Variants in MCTP1 observed in about 807,000 individuals in gnomAD.
MCTP1 encodes multiple C2 and transmembrane domain-containing protein 1.
Under a neutral mutation model 120.6 loss-of-function variants are expected in MCTP1, and 69 were observed. The observed-to-expected ratio is 0.57, with a 90% CI of 0.47 to 0.70. The LOEUF is 0.70. Ranked by LOEUF, MCTP1 falls within the 30% of genes least tolerant of loss-of-function variation. MCTP1 has a pLI of 0.00. For synonymous variants in MCTP1, 529 were observed against 493.1 expected (o/e 1.07, Z -0.96); for missense variants, 1,203 against 1,248.8 (o/e 0.96, Z 0.55).
chr5:95,236,505 C>T (rs1178759067), intron 1 of MCTP1, among the ~76,000 whole-genome samples: 1 of 152,116 alleles, frequency 6.6e-6, no homozygotes, highest in African/African-American at 2.4e-5. Flanking sequence ...CCTTACTTCC[C>T]GTGAGGACTG....
chr5:94,829,719 A>G (rs1023971744), intron 17 of MCTP1, among the ~76,000 whole-genome samples: 3 of 152,226 alleles, frequency 2.0e-5, no homozygotes, highest in African/African-American at 7.2e-5. Context: ...GAGAAAAGTA[A>G]GGTAGAGCAA....
chr5:94,920,553 T>C lies in MCTP1; in HGVS notation c.1273-2580A>G, dbSNP rs182482395. 4.0e-3 allele frequency among the ~76,000 whole-genome samples: 609 copies of C among 151,868 alleles called. 4 individuals are homozygous for C. The highest frequency in any genetic ancestry group is 0.014 in the African/African-American group (575 of 41,432). On this transcript the variant is annotated intron_variant, in intron 7 of 22. Coordinates refer to ENST00000515393, the MANE Select transcript of MCTP1 (RefSeq NM_024717.7). ...GTCAGGAGATCGAGACCATCCTGGC[T>C]AACACATGAAACCCCGTCTCTACTA... is the stretch of plus-strand genomic sequence containing the variant.
rs374089627 is a variant in MCTP1 at position 94,940,033 on chromosome 5, T to C, written c.1173+51A>G. 1.1e-4 allele frequency: 117 copies of C among 1,086,012 alleles called. 1 individual carries two copies. In the East Asian group the frequency reaches 2.6e-3, roughly 24 times the overall value. The allele number at this position is 1,086,012 out of a possible 1,614,324, so 67.3% of individuals were successfully genotyped here. On this transcript the variant is annotated intron_variant, in intron 5 of 22. Transcript: ENST00000515393. ...ATCATCTCTGGGTCCAGAGAAAGGCTCACAACTTTCAAACAAGAAAGAGCT... is the reference window on the plus strand; with the variant it reads ...ATCATCTCTGGGTCCAGAGAAAGGCCCACAACTTTCAAACAAGAAAGAGCT...
chr5:95,214,943 A>G (rs1303577597), intron 1 of MCTP1, among the ~76,000 whole-genome samples: 1 of 152,070 alleles, frequency 6.6e-6, no homozygotes, highest in Non-Finnish European at 1.5e-5. Context: ...GCAGCACACC[A>G]ACATGGCACA....
chr5:95,215,937 C>A (rs905994421), intron 1 of MCTP1, among the ~76,000 whole-genome samples: 3 of 152,046 alleles, frequency 2.0e-5, no homozygotes, highest in Non-Finnish European at 4.4e-5. Flanking sequence ...AATATACAAA[C>A]AAGAAAACCT....
At chr5:95,164,428 A>G (rs186102342) in intron 1 of MCTP1, among the ~76,000 whole-genome samples, 24 of 152,334 alleles carry the variant, frequency 1.6e-4, no homozygotes, top group Admixed American at 1.1e-3. Flanking sequence ...ACATTTGGTC[A>G]GAAACAAATC....
Position 94,953,281 on chromosome 5 carries a change from G to T in MCTP1, c.919C>A (p.Pro307Thr). 6 of 1,612,314 alleles carry T rather than the reference G, an allele frequency of 3.7e-6. No homozygotes were observed. Among genetic ancestry groups the T allele is most frequent in the Non-Finnish European group, 5.1e-6 (6 of 1,179,112 alleles). ...ATACAAGCTTTTTCTTCCCACACAG[G>T]GTTGAGGTTCTTGTGTATTATCTTA... ...RSKIIHKNLN[P>T]VWEEKACILV... is the part of the protein sequence containing the mutation. Residue 307 changes from proline (P) to threonine (T), a missense_variant, in exon 3 of 23, where the codon CCT (proline) becomes ACT (threonine). Around this residue, in one of 2 missense-constraint regions of MCTP1, gnomAD observed 740 missense variants for 871.1 expected, o/e 0.85. Transcript: ENST00000515393.
At chr5:95,268,831 C>A (rs968123618) in intron 1 of MCTP1, among the ~76,000 whole-genome samples, 1 of 152,202 alleles carries the variant, frequency 6.6e-6, no homozygotes, top group African/African-American at 2.4e-5. Flanking sequence ...ACAGCAGAGC[C>A]CCTTAGCTGC....
intron 18 of MCTP1, among the ~76,000 whole-genome samples, chr5:94,786,904 T>G (rs1580688106): frequency 6.6e-6 from 1 of 152,198 alleles, no homozygotes; most frequent in East Asian, 1.9e-4. Context: ...CTTCAGTGAT[T>G]ATTTGCACTC....
chr5:95,176,815 G>A (rs1748040581), intron 1 of MCTP1, among the ~76,000 whole-genome samples: 1 of 151,832 alleles, frequency 6.6e-6, no homozygotes, highest in Admixed American at 6.6e-5. Flanking sequence ...GCCAAGATTG[G>A]GCAACAGAGT....
chr5:94,910,627 G>A (rs980232894), intron 9 of MCTP1, among the ~76,000 whole-genome samples: 1 of 152,190 alleles, frequency 6.6e-6, no homozygotes, highest in African/African-American at 2.4e-5. Flanking sequence ...AAAGAGCAAA[G>A]AGAGACACAT....
At chr5:95,260,073 T>C (rs1758330327) in intron 1 of MCTP1, among the ~76,000 whole-genome samples, 1 of 152,220 alleles carries the variant, frequency 6.6e-6, no homozygotes, top group African/African-American at 2.4e-5. Context: ...ATTGTGCTTT[T>C]AATTCTCCTG....
In MCTP1 at chr5:94,707,427, T is replaced by TGCTGAG; in HGVS notation, c.*63_*68dup. On this transcript the variant is annotated 3_prime_UTR_variant, in exon 23 of 23. Coordinates refer to ENST00000515393, the MANE Select transcript of MCTP1 (RefSeq NM_024717.7). ...TAAAAAGCAGAAAGAAAGGAAATGC[T>TGCTGAG]GCTGAGGCTGAGGGCTTTTTCTTTT... 1 of 1,163,328 alleles carries TGCTGAG rather than the reference T, an allele frequency of 8.6e-7. No homozygotes were observed. The highest frequency in any genetic ancestry group is 1.3e-6 in the Non-Finnish European group (1 of 794,684). The allele number at this position is 1,163,328 out of a possible 1,614,324, so 72.1% of individuals were successfully genotyped here. A position where few individuals can be genotyped will look rare whatever the true frequency, so the allele number is the denominator to read the frequency against.
intron 17 of MCTP1, among the ~76,000 whole-genome samples, chr5:94,853,799 T>C (rs1052763089): frequency 1.3e-5 from 2 of 151,910 alleles, no homozygotes; most frequent in Admixed American, 6.6e-5. Context: ...AAATGAGAAA[T>C]ACTCTGTCCA....
At chr5:95,044,190 TA>T (rs1334753688) in intron 1 of MCTP1, among the ~76,000 whole-genome samples, 2 of 152,190 alleles carry the variant, frequency 1.3e-5, no homozygotes, top group Non-Finnish European at 2.9e-5. Flanking sequence ...CCTCAGAAGT[TA>T]AGTCCACAGA....
At chr5:94,922,475 GTGCCATGTATAT>G (rs1811907529) in intron 7 of MCTP1, among the ~76,000 whole-genome samples, 2 of 151,276 alleles carry the variant, frequency 1.3e-5, no homozygotes, top group Admixed American at 1.3e-4. Context: ...TCAAAGAAGT[GTGCCATGTATAT>G]TCCCCCCCTT....
chr5:95,068,225 G>A (rs554036269), intron 1 of MCTP1, among the ~76,000 whole-genome samples: 219 of 152,186 alleles, frequency 1.4e-3, no homozygotes, highest in African/African-American at 5.1e-3. Flanking sequence ...ATAATGTCTT[G>A]GGTAGGGTTT....
At chr5:94,996,613 T>C (rs1832666135) in intron 2 of MCTP1, among the ~76,000 whole-genome samples, 1 of 152,178 alleles carries the variant, frequency 6.6e-6, no homozygotes, top group Admixed American at 6.6e-5. Context: ...AAGTAAATCA[T>C]TGTTATACTG....
chr5:94,854,316 G>A (rs533288369), intron 17 of MCTP1, among the ~76,000 whole-genome samples: 4 of 151,932 alleles, frequency 2.6e-5, no homozygotes, highest in African/African-American at 9.6e-5. Flanking sequence ...TTTGCTTGAG[G>A]TGGGGATCAT....
Sources: allele counts gnomAD v4.1 joint callset (sites outside exome capture counted in the v4.1 genomes callset), GRCh38; gene constraint gnomAD v4.1.1; regional missense constraint gnomAD v4.1.1; transcripts MANE v1.5; gene names NCBI Gene and HGNC (gene_info 2026-07-23, HGNC 2026-07-21).